CAMSAP1: variants seen among roughly 807,000 people sequenced by gnomAD.
The protein encoded by CAMSAP1 is calmodulin-regulated spectrin-associated protein 1.
In CAMSAP1, 58 loss-of-function variants were observed where a neutral mutation model predicts 143.5. The observed-to-expected ratio is 0.40, with a 90% CI of 0.33 to 0.50. The LOEUF is 0.50. CAMSAP1 is among the 20% of genes least tolerant of loss of function. The pLI is 0.45. For synonymous variants in CAMSAP1, 945 were observed against 859.3 expected (o/e 1.10, Z -1.74); for missense variants, 1,969 against 2,115.7 (o/e 0.93, Z 1.36).
chr9:135,819,621 G>A lies in CAMSAP1; in HGVS notation c.3823-475C>T, dbSNP rs546548375. 5.3e-5 allele frequency among the ~76,000 whole-genome samples: 8 copies of A among 149,578 alleles called. No homozygotes were observed. The East Asian group carries it at 1.6e-3, about 30-fold the overall frequency. On this transcript the variant is annotated intron_variant, in intron 11 of 16. Transcript: ENST00000389532. ...GGCCAAGGAGAGTGGATCACCTGAG[G>A]TCAGGAGTTCAAGACCAGCCTGGCC...
chr9:135,850,407 A>C lies in CAMSAP1; in HGVS notation c.863T>G (p.Leu288Arg). Residue 288 changes from leucine to arginine, a missense_variant, in exon 6 of 17, where the codon CTT (leucine) becomes CGT (arginine). Coordinates refer to ENST00000389532, the MANE Select transcript of CAMSAP1 (RefSeq NM_015447.4). The part of the protein sequence containing the change: ...SMADSLYNIR[L>R]LREFSNEYLN... ...ATATTCATTGGAGAATTCTCTCAGA[A>C]GCCGAATATTATACAGACTGTCGGC... 6.2e-7 allele frequency: 1 copy of C among 1,611,840 alleles called. No individual in the cohort carries two copies. The highest frequency in any genetic ancestry group is 8.5e-7 in the Non-Finnish European group (1 of 1,179,250).
intron 1 of CAMSAP1, among the ~76,000 whole-genome samples, chr9:135,901,377 A>G (rs73561641): frequency 0.022 from 3,282 of 152,312 alleles, 129 homozygotes; most frequent in African/African-American, 0.074. Flanking sequence ...CAAGGTGGGT[A>G]GGAGCACTGC....
At chr9:135,888,229 G>A (rs374989986) in intron 1 of CAMSAP1, among the ~76,000 whole-genome samples, 2 of 152,252 alleles carry the variant, frequency 1.3e-5, no homozygotes, top group East Asian at 3.8e-4. Flanking sequence ...TAAGCTCTGT[G>A]GATGCACACG....
chr9:135,862,902 G>A (rs1837248885), intron 4 of CAMSAP1, among the ~76,000 whole-genome samples: 1 of 152,132 alleles, frequency 6.6e-6, no homozygotes, highest in African/African-American at 2.4e-5. Context: ...GCTGCCACTA[G>A]TGCAGGCACA....
intron 1 of CAMSAP1, among the ~76,000 whole-genome samples, chr9:135,895,494 A>C (rs1321093717): frequency 6.6e-6 from 1 of 152,202 alleles, no homozygotes; most frequent in Non-Finnish European, 1.5e-5. Context: ...ACTATCCTTA[A>C]AAAAATGAAG....
intron 7 of CAMSAP1, among the ~76,000 whole-genome samples, chr9:135,840,804 G>A (rs1836315072): frequency 6.6e-6 from 1 of 152,200 alleles, no homozygotes; most frequent in Non-Finnish European, 1.5e-5. Flanking sequence ...GTGAGGAATG[G>A]TGCATTCTGG....
chr9:135,873,947 G>A (rs1057512823), intron 3 of CAMSAP1, among the ~76,000 whole-genome samples: 7 of 152,014 alleles, frequency 4.6e-5, no homozygotes, highest in African/African-American at 1.7e-4. Flanking sequence ...TATCTGCCGA[G>A]AGCATTGACA....
intron 3 of CAMSAP1, among the ~76,000 whole-genome samples, chr9:135,869,679 C>A (rs1837505302): frequency 1.3e-5 from 2 of 152,090 alleles, no homozygotes; most frequent in Non-Finnish European, 2.9e-5. Flanking sequence ...CAATTCCACC[C>A]CAGGTACATA....
In CAMSAP1 at chr9:135,882,712, CT is replaced by C; in HGVS notation, c.423+103del. On this transcript the variant is annotated intron_variant, in intron 2 of 16. Transcript: ENST00000389532. This position sits in a 1 kb window ranked among gnomAD's most constrained non-coding sequence, Gnocchi z 4.9. ...GTGCAAAAGCACGGGTCTCCACCAC[CT>C]CGCCGCACACCGTGTTCACACCATC... 1 of 1,370,928 alleles carries C rather than the reference CT, an allele frequency of 7.3e-7. No individual in the cohort carries two copies. Among genetic ancestry groups the C allele is most frequent in the Non-Finnish European group, 9.7e-7 (1 of 1,027,326 alleles). The allele number at this position is 1,370,928 out of a possible 1,614,324, so 84.9% of individuals were successfully genotyped here.
chr9:135,896,978 T>C (rs1178675922), intron 1 of CAMSAP1, among the ~76,000 whole-genome samples: 1 of 152,188 alleles, frequency 6.6e-6, no homozygotes, highest in African/African-American at 2.4e-5. Context: ...CCAAATCTGT[T>C]GGCACCTTAA....
chr9:135,899,376 C>T (rs1271781406), intron 1 of CAMSAP1, among the ~76,000 whole-genome samples: 1 of 151,044 alleles, frequency 6.6e-6, no homozygotes, highest in Non-Finnish European at 1.5e-5. Flanking sequence ...ATCTCTTGAG[C>T]CCAGGAGTTC....
chr9:135,815,269 A>G (rs868100519), intron 15 of CAMSAP1, 54 bp from the exon 16 acceptor site: 5 of 1,205,114 alleles, frequency 4.1e-6, no homozygotes, highest in Non-Finnish European at 5.9e-6. Context: ...ACGAACACAC[A>G]CAAAAAAGAA....
chr9:135,905,677 A>G (rs1838756147), intron 1 of CAMSAP1, among the ~76,000 whole-genome samples: 1 of 152,258 alleles, frequency 6.6e-6, no homozygotes, highest in South Asian at 2.1e-4. Context: ...TCAGAAAGAG[A>G]CATCATTGGC....
In CAMSAP1 at chr9:135,824,982, T is replaced by C; in HGVS notation, c.1224-102A>G. On this transcript the variant is annotated intron_variant, in intron 8 of 16. Transcript: ENST00000389532. The surrounding 1 kb of genome is among the most constrained non-coding windows in gnomAD (Gnocchi z 4.1). ...AGGACCATCCTGAATTCACACCAAGTTTTGAGAAACTCGGACTGTTTGGGA... is the reference window on the plus strand; with the variant it reads ...AGGACCATCCTGAATTCACACCAAGCTTTGAGAAACTCGGACTGTTTGGGA... 2.2e-6 allele frequency: 2 copies of C among 924,452 alleles called. No individual in the cohort carries two copies. The highest frequency in any genetic ancestry group is 6.1e-5 in the Admixed American group (2 of 32,894). 57.3% of individuals were successfully genotyped at this position (924,452 alleles called of 1,614,324 possible). A position where few individuals can be genotyped will look rare whatever the true frequency, so the allele number is the denominator to read the frequency against.
At chr9:135,879,030 A>G (rs938718557) in intron 3 of CAMSAP1, among the ~76,000 whole-genome samples, 4 of 152,214 alleles carry the variant, frequency 2.6e-5, no homozygotes, top group African/African-American at 9.6e-5. Context: ...GCCTGACCAC[A>G]GGAACATCAA....
chr9:135,817,183 A>T (rs781203707), intron 14 of CAMSAP1, among the ~76,000 whole-genome samples: 19 of 152,318 alleles, frequency 1.2e-4, no homozygotes, highest in Non-Finnish European at 2.4e-4. Flanking sequence ...CATCGCCCCA[A>T]ACCAGATCCT....
rs184542466 is a variant in CAMSAP1, at chr9:135,888,717, T to C, written c.161-5639A>G. ...CGTGGATACTCTTCCTGTTTGGATA[T>C]AAGGAGTCAACGGAAATAATTCCAA... is the stretch of plus-strand genomic sequence containing the variant. On this transcript the variant is annotated intron_variant, in intron 1 of 16. Coordinates refer to ENST00000389532, the MANE Select transcript of CAMSAP1 (RefSeq NM_015447.4). Among the ~76,000 whole-genome samples, 205 of 152,302 alleles carry C rather than the reference T, an allele frequency of 1.3e-3. 2 individuals carry two copies. The highest frequency in any genetic ancestry group is 4.6e-3 in the African/African-American group (192 of 41,560).
At chr9:135,851,512 T>C (rs1195038751) in intron 5 of CAMSAP1, among the ~76,000 whole-genome samples, 2 of 152,192 alleles carry the variant, frequency 1.3e-5, no homozygotes, top group African/African-American at 4.8e-5. Flanking sequence ...TCTTTTCTTT[T>C]TTAGAAATAA....
intron 1 of CAMSAP1, among the ~76,000 whole-genome samples, chr9:135,887,035 C>T (rs1473419130): frequency 3.3e-5 from 5 of 152,054 alleles, no homozygotes; most frequent in Non-Finnish European, 5.9e-5. Flanking sequence ...AGACTGGAAG[C>T]GCAAGAGTAA....
Sources: allele counts gnomAD v4.1 joint callset (sites outside exome capture counted in the v4.1 genomes callset), GRCh38; gene constraint gnomAD v4.1.1; non-coding constraint Gnocchi (gnomAD v3.1); transcripts MANE v1.5; gene names NCBI Gene and HGNC (gene_info 2026-07-23, HGNC 2026-07-21).